The following RARB variants were observed in gnomAD, a reference collection of about 807,000 sequenced individuals.
The protein encoded by RARB is HBV-activated protein.
RARB carries 17 observed loss-of-function variants against 51.9 expected under a neutral mutation model. The ratio of observed to expected loss-of-function variants is 0.33; its 90% CI spans 0.22 to 0.49. RARB has a LOEUF of 0.49. RARB is among the 20% of genes least tolerant of loss of function. The pLI, the probability that RARB is intolerant of heterozygous loss-of-function variation, is 0.99. For synonymous variants in RARB, 215 were observed against 195.4 expected (o/e 1.10, Z -0.84); for missense variants, 369 against 550.8 (o/e 0.67, Z 3.30).
chr3:25,411,158 A>G (rs1160928582), intron 5 of RARB, among the ~76,000 whole-genome samples: 1 of 152,200 alleles, frequency 6.6e-6, no homozygotes, highest in East Asian at 1.9e-4. Context: ...TATAGAAAAA[A>G]TGAAAGGAAA....
intron 2 of RARB, among the ~76,000 whole-genome samples, chr3:24,973,697 T>A (rs7428127): frequency 0.2 from 30,234 of 151,974 alleles, 3,578 homozygotes; most frequent in East Asian, 0.3. Flanking sequence ...TCTAGGTATT[T>A]TATATTCTTT....
intron 5 of RARB, among the ~76,000 whole-genome samples, chr3:25,236,791 C>G (rs1468275506): frequency 6.6e-6 from 1 of 151,796 alleles, no homozygotes. Flanking sequence ...TCTCCTCATG[C>G]AATACATTTT....
At chr3:25,325,563 TG>T (rs35825790) in intron 5 of RARB, among the ~76,000 whole-genome samples, 19,357 of 150,128 alleles carry the variant, frequency 0.13, 1,410 homozygotes, top group South Asian at 0.19. Flanking sequence ...CTTCATTTTG[TG>T]GGGGTTTTTT....
At chr3:24,954,896 G>T (rs1365191687) in intron 2 of RARB, among the ~76,000 whole-genome samples, 1 of 152,192 alleles carries the variant, frequency 6.6e-6, no homozygotes, top group African/African-American at 2.4e-5. Context: ...GGTTGCAGGA[G>T]CCAGGGGAGT....
chr3:25,086,618 G>T (rs905961204), intron 3 of RARB, among the ~76,000 whole-genome samples: 1 of 152,120 alleles, frequency 6.6e-6, no homozygotes, highest in Non-Finnish European at 1.5e-5. Context: ...ATGTGTTTTA[G>T]GGAGTCATAA....
intron 5 of RARB, among the ~76,000 whole-genome samples, chr3:25,304,635 C>T (rs1470243193): frequency 6.6e-6 from 1 of 152,186 alleles, no homozygotes; most frequent in African/African-American, 2.4e-5. Context: ...CCACTGATTC[C>T]GACTTCCACC....
intron 5 of RARB, among the ~76,000 whole-genome samples, chr3:25,244,658 T>A (rs1457454003): frequency 6.6e-6 from 1 of 152,232 alleles, no homozygotes; most frequent in African/African-American, 2.4e-5. Flanking sequence ...CTAATTTGAT[T>A]ACACTGTGGT....
At chr3:25,241,058 G>A (rs966374929) in intron 5 of RARB, among the ~76,000 whole-genome samples, 3 of 152,228 alleles carry the variant, frequency 2.0e-5, no homozygotes, top group African/African-American at 7.2e-5. Flanking sequence ...AGTCTAAGTA[G>A]ATTGCATGTG....
intron 2 of RARB, among the ~76,000 whole-genome samples, chr3:24,928,516 ATGAT>A (rs1476104836): frequency 3.9e-5 from 6 of 151,990 alleles, no homozygotes; most frequent in African/African-American, 1.4e-4. Flanking sequence ...TCTTAGCTAA[ATGAT>A]TGATTATTCC....
chr3:25,433,621 AAGAGT>A, intron 1 of RARB, among the ~76,000 whole-genome samples: 1 of 152,266 alleles, frequency 6.6e-6, no homozygotes, highest in Admixed American at 6.5e-5. Context: ...ATGGAGGGAG[AAGAGT>A]AGAGTTAACT....
chr3:25,353,598 T>C (rs998792031), intron 5 of RARB, among the ~76,000 whole-genome samples: 1 of 136,486 alleles, frequency 7.3e-6, no homozygotes, highest in African/African-American at 2.7e-5. Context: ...TTTTTTTTTT[T>C]GTCTTACCCC....
At chr3:24,892,578 GC>G (rs2125365237) in intron 2 of RARB, among the ~76,000 whole-genome samples, 1 of 152,272 alleles carries the variant, frequency 6.6e-6, no homozygotes, top group African/African-American at 2.4e-5. Flanking sequence ...AAAGAGAATG[GC>G]CAAAACATAT....
intron 5 of RARB, among the ~76,000 whole-genome samples, chr3:25,419,696 C>A (rs961017459): frequency 6.6e-6 from 1 of 152,116 alleles, no homozygotes; most frequent in Admixed American, 6.5e-5. Flanking sequence ...GGGTGTGAAG[C>A]CCTGGAAGCA....
Position 25,434,384 on chromosome 3 carries a change from C to T in RARB, c.157+5496C>T, listed in dbSNP as rs182092705. On this transcript the variant is annotated intron_variant, in intron 1 of 7. Transcript: ENST00000330688. ...TGTCATAGAATAGATATTTGTGTTC[C>T]AGCTGTTAACAATTCACTGCTGATG... Among the ~76,000 whole-genome samples the T allele has an allele frequency of 2.3e-3, 347 of 152,206 alleles. 2 individuals carry two copies. The highest frequency in any genetic ancestry group is 7.7e-3 in the African/African-American group (318 of 41,514).
At chr3:25,170,020 A>G (rs1002835931) in intron 4 of RARB, among the ~76,000 whole-genome samples, 1 of 151,932 alleles carries the variant, frequency 6.6e-6, no homozygotes, top group Non-Finnish European at 1.5e-5. Context: ...AAAGAAAAAA[A>G]AAAAGAAATT....
chr3:24,833,979 T>A (rs2125327151), intron 1 of RARB, among the ~76,000 whole-genome samples: 1 of 152,364 alleles, frequency 6.6e-6, no homozygotes, highest in Middle Eastern at 3.4e-3. Context: ...ATGATAGATG[T>A]GTGTGACTAG....
intron 5 of RARB, among the ~76,000 whole-genome samples, chr3:25,197,259 GATCC>G (rs1701267005): frequency 6.6e-6 from 1 of 152,128 alleles, no homozygotes. Flanking sequence ...GTAAGGAAGG[GATCC>G]AGTTTCAGCT....
chr3:25,508,151 T>C (rs1575471549), intron 3 of RARB, among the ~76,000 whole-genome samples: 1 of 152,216 alleles, frequency 6.6e-6, no homozygotes, highest in Admixed American at 6.5e-5. Context: ...AGTGTATTTG[T>C]AGAATAGAGC....
rs766378555 is a variant in RARB, at chr3:25,421,403, CTT to C, written c.179-39763_179-39762del. ...TTGCACTAACATTTTTTCTTCTTTT[CTT>C]TTTTTTTTTTTTTTTTTTTTTTTTT... On this transcript the variant is annotated intron_variant, in intron 5 of 11. Transcript: ENST00000383772. Among the ~76,000 whole-genome samples the C allele has an allele frequency of 3.6e-4, 26 of 72,360 alleles. 1 individual carries two copies. The highest frequency in any genetic ancestry group is 1.0e-3 in the African/African-American group (16 of 15,498). The allele number at this position is 72,360 out of a possible 152,430, so 47.5% of individuals were successfully genotyped here. A position where few individuals can be genotyped will look rare whatever the true frequency, so the allele number is the denominator to read the frequency against.
Sources: gnomAD v4.1 joint callset for allele counts (sites outside exome capture counted in the v4.1 genomes callset) on GRCh38, gnomAD v4.1.1 for gene constraint, MANE v1.5 for transcripts, NCBI Gene and HGNC (gene_info 2026-07-23, HGNC 2026-07-21) for gene names.